The following UFSP2 variants were observed in gnomAD, a reference collection of about 807,000 sequenced individuals.
The protein encoded by UFSP2 is ufm1-specific protease 2.
A neutral mutation model predicts 60.2 loss-of-function variants in UFSP2; 43 were observed. The observed-to-expected ratio is 0.71, with a 90% CI of 0.56 to 0.92. UFSP2 has a LOEUF of 0.92. UFSP2 is among the 40% of genes least tolerant of loss of function. The pLI is 0.00. For missense variants in UFSP2, 520 were observed against 575.0 expected, an observed-to-expected ratio of 0.90 and a Z score of 0.98; for synonymous variants, 183 against 195.1, an observed-to-expected ratio of 0.94 and a Z score of 0.52.
At chr4:185,423,148 C>A (rs9994228) in intron 1 of UFSP2, among the ~76,000 whole-genome samples, 2 of 152,130 alleles carry the variant, frequency 1.3e-5, no homozygotes, top group African/African-American at 4.8e-5. Flanking sequence ...CGTGAGCCAC[C>A]GCGCCCAGCT....
chr4:185,418,733 A>C lies in UFSP2; in HGVS notation c.120T>G (p.Ser40Arg), dbSNP rs1208094833. The C allele has an allele frequency of 6.2e-7, 1 of 1,609,502 alleles. No individual in the cohort carries two copies. The highest frequency in any genetic ancestry group is 8.5e-7 in the Non-Finnish European group (1 of 1,178,848). ...FLKKALKHVL[S>R]DLSTKLSSNA... is the part of the protein sequence containing the mutation. ...TTGAAGACAGCTTAGTTGACAGGTC[A>C]CTCAACACATGTTTCAGTGCCTTCT... The change falls in exon 3 of 12, where the codon AGT (serine) becomes AGG (arginine). Residue 40 changes from serine to arginine, a missense_variant. Coordinates refer to ENST00000264689, the MANE Select transcript of UFSP2 (RefSeq NM_018359.5).
chr4:185,400,565 G>T, intron 11 of UFSP2, 87 bp from the exon 12 acceptor site: 3 of 948,098 alleles, frequency 3.2e-6, no homozygotes, highest in South Asian at 1.5e-5. Flanking sequence ...CTGTCAGCAG[G>T]ACCTTGGAAT....
chr4:185,409,938 A>AGG (rs1455699804), intron 7 of UFSP2, among the ~76,000 whole-genome samples: 1 of 152,200 alleles, frequency 6.6e-6, no homozygotes, highest in Non-Finnish European at 1.5e-5. Flanking sequence ...GAGCCTATGG[A>AGG]GGGAAGGTGG....
At chr4:185,400,528 A>T (rs1186901748) in intron 11 of UFSP2, 50 bp from the exon 12 acceptor site, 23 of 1,412,670 alleles carry the variant, frequency 1.6e-5, no homozygotes, top group Non-Finnish European at 2.3e-5. Flanking sequence ...TTACAAGATT[A>T]TGTCATGGAA....
At chr4:185,409,176 A>G (rs780786451) in intron 7 of UFSP2, among the ~76,000 whole-genome samples, 6 of 152,212 alleles carry the variant, frequency 3.9e-5, no homozygotes, top group Non-Finnish European at 5.9e-5. Context: ...GGTCCATATC[A>G]TGGGACACAG....
chr4:185,407,101 A>G (rs1165479669), intron 9 of UFSP2, among the ~76,000 whole-genome samples: 2 of 122,778 alleles, frequency 1.6e-5, no homozygotes, highest in East Asian at 5.0e-4. Flanking sequence ...CCTGTGCTGG[A>G]GTGCAGTGGC....
intron 7 of UFSP2, among the ~76,000 whole-genome samples, chr4:185,410,847 GA>G (rs917294142): frequency 2.6e-5 from 4 of 151,456 alleles, no homozygotes; most frequent in Non-Finnish European, 5.9e-5. Flanking sequence ...TTGGGAGGCT[GA>G]GGGAGGATAA....
chr4:185,406,637 G>A (rs2095520808), intron 9 of UFSP2, among the ~76,000 whole-genome samples: 1 of 151,914 alleles, frequency 6.6e-6, no homozygotes, highest in Non-Finnish European at 1.5e-5. Flanking sequence ...GTGGAGTGGC[G>A]CGATCTCAGC....
At position 185,400,232 on chromosome 4, in the gene UFSP2, G is replaced by A. The variant is rs1204952819; in HGVS notation, c.*160C>T. The A allele has an allele frequency of 1.9e-5, 14 of 720,122 alleles. No homozygotes were observed. The highest frequency in any genetic ancestry group is 1.4e-4 in the South Asian group (7 of 49,766). 44.6% of individuals were successfully genotyped at this position (720,122 alleles called of 1,614,324 possible). A position where few individuals can be genotyped will look rare whatever the true frequency, so the allele number is the denominator to read the frequency against. On this transcript the variant is annotated 3_prime_UTR_variant, in exon 12 of 12. Coordinates refer to ENST00000264689, the MANE Select transcript of UFSP2 (RefSeq NM_018359.5). Reference sequence around the variant, plus strand: ...TTGTCTTTTAAGTTATTAAAGGAACGTCTAAAAAATACATTCTCCGTGCAG... The same window carrying A: ...TTGTCTTTTAAGTTATTAAAGGAACATCTAAAAAATACATTCTCCGTGCAG...
At chr4:185,425,808 G>A in intron 1 of UFSP2, 58 bp downstream of exon 1, 3 of 1,582,232 alleles carry the variant, frequency 1.9e-6, no homozygotes, top group Admixed American at 1.8e-5. Flanking sequence ...GCCCGCTCGT[G>A]GCGGCTGCCA....
chr4:185,419,666 G>C (rs2153293117), intron 2 of UFSP2, among the ~76,000 whole-genome samples: 2 of 152,264 alleles, frequency 1.3e-5, no homozygotes, highest in Middle Eastern at 3.4e-3. Flanking sequence ...CACATAAGTG[G>C]AATCACACAT....
intron 7 of UFSP2, among the ~76,000 whole-genome samples, chr4:185,411,986 T>G (rs182524371): frequency 2.3e-4 from 35 of 152,262 alleles, no homozygotes; most frequent in African/African-American, 8.2e-4. Context: ...AAGGAAATGA[T>G]GAACACAAAA....
At chr4:185,421,657 G>A (rs910038733) in intron 2 of UFSP2, among the ~76,000 whole-genome samples, 2 of 152,152 alleles carry the variant, frequency 1.3e-5, no homozygotes, top group Non-Finnish European at 2.9e-5. Context: ...AGAACTGTGA[G>A]CCAAATCAAC....
rs376629977 is a variant in UFSP2, at chr4:185,418,723, T to C, written c.130A>G (p.Thr44Ala). 3.7e-6 allele frequency: 6 copies of C among 1,613,336 alleles called. No homozygotes were observed. Among genetic ancestry groups the C allele is most frequent in the Non-Finnish European group, 5.1e-6 (6 of 1,179,796 alleles). Residue 44 changes from threonine (T) to alanine (A), a missense_variant, in exon 3 of 12, where the codon ACT becomes GCT. Thr to Ala is a moderately conservative substitution (Grantham distance 58). Transcript: ENST00000264689. The part of the protein sequence containing the change: ...ALKHVLSDLS[T>A]KLSSNALVFR... ...ACAAGGGCGTTTGAAGACAGCTTAG[T>C]TGACAGGTCACTCAACACATGTTTC...
chr4:185,421,234 GA>G (rs2095548807), intron 2 of UFSP2, among the ~76,000 whole-genome samples: 1 of 152,164 alleles, frequency 6.6e-6, no homozygotes, highest in African/African-American at 2.4e-5. Flanking sequence ...GGGATGGGTG[GA>G]AAAGAATATT....
At chr4:185,408,583 C>T (rs2095524268) in intron 7 of UFSP2, 148 bp from the exon 8 acceptor site, 1 of 837,000 alleles carries the variant, frequency 1.2e-6, no homozygotes, top group South Asian at 2.0e-5. Flanking sequence ...TATGGTTTAA[C>T]ATTATACCTT....
In UFSP2 at chr4:185,423,815, C is replaced by T. The variant is rs184839682; in HGVS notation, c.4-1252G>A. ...TCATACATATATACATACATATATA[C>T]ACACACACACACACGAGAGAAAGAG... On this transcript the variant is annotated intron_variant, in intron 1 of 11. Transcript: ENST00000264689. Among the ~76,000 whole-genome samples the T allele has an allele frequency of 2.2e-4, 33 of 149,612 alleles. No individual in the cohort carries two copies. The South Asian group carries it at 4.6e-3, about 21-fold the overall frequency.
chr4:185,402,191 A>T (rs2095514093), intron 11 of UFSP2: 1 of 393,646 alleles, frequency 2.5e-6, no homozygotes, highest in Admixed American at 3.2e-5. Context: ...CTCGTGTAAT[A>T]CTAGTGCTTA....
rs377641643 is a variant in UFSP2, at chr4:185,422,445, A to T, written c.82+40T>A. Reference sequence around the variant, plus strand: ...GGAAATAATCTCAGTATATTTCACTATCAATTTTCTAATAAAAAAGAATTT... The same window carrying T: ...GGAAATAATCTCAGTATATTTCACTTTCAATTTTCTAATAAAAAAGAATTT... On this transcript the variant is annotated intron_variant, in intron 2 of 11. Transcript: ENST00000264689. The T allele has an allele frequency of 1.2e-5, 17 of 1,432,316 alleles. No homozygotes were observed. In the African/African-American group the frequency reaches 2.4e-4, roughly 20 times the overall value. The allele number at this position is 1,432,316 out of a possible 1,614,324, so 88.7% of individuals were successfully genotyped here.
Sources: gnomAD v4.1 joint callset for allele counts (sites outside exome capture counted in the v4.1 genomes callset) on GRCh38, gnomAD v4.1.1 for gene constraint, MANE v1.5 for transcripts, NCBI Gene and HGNC (gene_info 2026-07-23, HGNC 2026-07-21) for gene names.